Variants in SFXN5 observed in about 807,000 individuals in gnomAD.
The protein encoded by SFXN5 is sideroflexin-5.
Under a neutral mutation model 50.2 loss-of-function variants are expected in SFXN5, and 43 were observed. The ratio of observed to expected loss-of-function variants is 0.86; its 90% CI spans 0.67 to 1.11. The LOEUF is 1.11. Among genes scored for constraint, SFXN5 ranks in the 50% least tolerant of loss-of-function variants. SFXN5 has a pLI of 0.00. For missense variants in SFXN5, 463 were observed against 454.1 expected (o/e 1.02, Z -0.18); for synonymous variants, 203 against 185.8 (o/e 1.09, Z -0.75).
At chr2:73,070,547 CG>C (rs2106083963) in intron 1 of SFXN5, 1 of 152,482 alleles carries the variant, frequency 6.6e-6, no homozygotes, top group African/African-American at 2.4e-5. Context: ...TTCACTTCAG[CG>C]GTCTCTCTGC....
intron 9 of SFXN5, 56 bp from the exon 10 acceptor site, chr2:72,988,404 T>C (rs1672169833): frequency 2.0e-6 from 3 of 1,498,048 alleles, no homozygotes; most frequent in Non-Finnish European, 2.7e-6. Flanking sequence ...CAGTGGCTTG[T>C]GGGAGGAGGG....
rs756975962 is a variant in SFXN5, at chr2:73,071,695, G to A, written c.11C>T (p.Thr4Ile). The A allele has an allele frequency of 6.2e-7, 1 of 1,612,832 alleles. No individual in the cohort carries two copies. Among genetic ancestry groups the A allele is most frequent in the Non-Finnish European group, 8.5e-7 (1 of 1,179,828 alleles). Residue 4 changes from threonine (T) to isoleucine (I), a missense_variant, in exon 1 of 14, where the codon ACA (threonine) becomes ATA (isoleucine). Transcript: ENST00000272433. ...CGCCGCCGCCGATGCTGTAGTCGCTGTATCCGCCATGGCCACTGACGCCCG... is the reference window on the plus strand; with the variant it reads ...CGCCGCCGCCGATGCTGTAGTCGCTATATCCGCCATGGCCACTGACGCCCG... MADTATTASAAAAS... is the reference protein window; with the variant it reads MADIATTASAAAAS...
At chr2:73,020,306 A>G in intron 5 of SFXN5, 42 bp from the exon 6 acceptor site, 1 of 1,609,944 alleles carries the variant, frequency 6.2e-7, no homozygotes, top group Non-Finnish European at 8.5e-7. Context: ...TAATCCACTC[A>G]CATCTCACCT....
intron 6 of SFXN5, among the ~76,000 whole-genome samples, chr2:73,013,427 GTGT>G (rs1292051036): frequency 6.6e-6 from 1 of 151,792 alleles, no homozygotes; most frequent in Non-Finnish European, 1.5e-5. Context: ...GTGTGTGTGT[GTGT>G]GTGTGTGTGT....
Position 73,071,648 on chromosome 2 carries a change from T to TCGAGGCGCTAGCGGCA in SFXN5, c.42_57dup (p.Ser20CysfsTer3). 3.1e-6 allele frequency: 5 copies of TCGAGGCGCTAGCGGCA among 1,613,632 alleles called. No homozygotes were observed. The highest frequency in any genetic ancestry group is 3.4e-6 in the Non-Finnish European group (4 of 1,179,896). ...CCCAGTTGGAAAGGAGGTGCATCGC[T>TCGAGGCGCTAGCGGCA]CGAGGCGCTAGCGGCACTAGCCGCC... On this transcript the variant is annotated stop_gained and frameshift_variant, in exon 1 of 14. Transcript: ENST00000272433. LOFTEE classifies it high-confidence loss of function.
chr2:73,033,479 A>C (rs748178212), intron 3 of SFXN5, among the ~76,000 whole-genome samples: 4 of 152,226 alleles, frequency 2.6e-5, no homozygotes, highest in Non-Finnish European at 5.9e-5. Flanking sequence ...TACAGACATA[A>C]GTAAGATAGT....
At chr2:73,035,189 G>A (rs762179383) in intron 3 of SFXN5, among the ~76,000 whole-genome samples, 6 of 152,146 alleles carry the variant, frequency 3.9e-5, no homozygotes, top group African/African-American at 7.2e-5. Context: ...AGCATGCAGC[G>A]AGCGGTGGCT....
At chr2:72,990,533 G>A (rs377369041) in intron 9 of SFXN5, among the ~76,000 whole-genome samples, 1 of 152,208 alleles carries the variant, frequency 6.6e-6, no homozygotes, top group Admixed American at 6.5e-5. Flanking sequence ...GGGCTCGGGA[G>A]AACTCAGTGA....
chr2:72,971,541 T>C, intron 11 of SFXN5, 29 bp downstream of exon 11: 2 of 1,559,840 alleles, frequency 1.3e-6, no homozygotes, highest in Non-Finnish European at 1.8e-6. Context: ...GTTGCTGGCC[T>C]CCCCAACCCT....
At chr2:72,984,415 C>T (rs933001333) in intron 10 of SFXN5, among the ~76,000 whole-genome samples, 2 of 152,254 alleles carry the variant, frequency 1.3e-5, no homozygotes, top group Non-Finnish European at 2.9e-5. Context: ...GAGGACACCG[C>T]GTAGCCTTGG....
At position 72,945,482 on chromosome 2, in the gene SFXN5, C is replaced by T. The variant is rs755709508; in HGVS notation, c.946-383G>A. Among the ~76,000 whole-genome samples, 16 of 152,024 alleles carry T rather than the reference C, an allele frequency of 1.1e-4. No individual in the cohort carries two copies. The highest frequency in any genetic ancestry group is 1.8e-4 in the Non-Finnish European group (12 of 67,966). On this transcript the variant is annotated intron_variant, in intron 13 of 13. Coordinates refer to ENST00000272433, the MANE Select transcript of SFXN5 (RefSeq NM_144579.3). The surrounding 1 kb of genome is among the most constrained non-coding windows in gnomAD (Gnocchi z 5.8). Reference sequence around the variant, plus strand: ...ACCTGATGACCACCCAGGGCTGCTCCACCTCAACTCCTTCCATCCAAACCC... The same window carrying T: ...ACCTGATGACCACCCAGGGCTGCTCTACCTCAACTCCTTCCATCCAAACCC...
In SFXN5 at chr2:72,988,289, G is replaced by A. The variant is rs1227875394; in HGVS notation, c.594C>T (p.Leu198=). 6.2e-7 allele frequency: 1 copy of A among 1,613,922 alleles called. No individual in the cohort carries two copies. Among genetic ancestry groups the A allele is most frequent in the Non-Finnish European group, 8.5e-7 (1 of 1,179,848 alleles). ...CAGGGAACGGCACAAACCTCTGGAT[G>A]AGAAGGCGGGTGGCTGGGGTGAACT... ...ANKFTPATRL[L]IQRFVPFPAV... The change falls in exon 10 of 14, where the codon CTC becomes CTT. Residue 198 remains leucine, a synonymous_variant. Coordinates refer to ENST00000272433, the MANE Select transcript of SFXN5 (RefSeq NM_144579.3).
At chr2:73,028,100 T>C (rs1318765840) in intron 3 of SFXN5, among the ~76,000 whole-genome samples, 1 of 152,206 alleles carries the variant, frequency 6.6e-6, no homozygotes, top group Admixed American at 6.5e-5. Context: ...AGCAATAGGC[T>C]ATACCATACA....
intron 1 of SFXN5, among the ~76,000 whole-genome samples, chr2:73,060,207 A>T (rs1384200712): frequency 2.6e-5 from 4 of 152,144 alleles, no homozygotes; most frequent in African/African-American, 9.7e-5. Context: ...ACAAGATGAA[A>T]CTGGTACATT....
rs777354463 is a variant in SFXN5 at position 73,071,652 on chromosome 2, G to A, written c.54C>T (p.Ala18=). The A allele has an allele frequency of 2.5e-6, 4 of 1,613,496 alleles. No individual in the cohort carries two copies. Among genetic ancestry groups the A allele is most frequent in the Non-Finnish European group, 3.4e-6 (4 of 1,179,876 alleles). Residue 18 remains alanine, a synonymous_variant, in exon 1 of 14, where the codon GCC becomes GCT. Coordinates refer to ENST00000272433, the MANE Select transcript of SFXN5 (RefSeq NM_144579.3). The stretch of plus-strand genomic sequence containing the variant: ...GTTGGAAAGGAGGTGCATCGCTCGA[G>A]GCGCTAGCGGCACTAGCCGCCGCCG... ...ASAAAASAAS[A]SSDAPPFQLG... is the part of the protein sequence containing the mutation.
intron 6 of SFXN5, among the ~76,000 whole-genome samples, chr2:73,002,216 G>C (rs1379353336): frequency 6.6e-6 from 1 of 152,206 alleles, no homozygotes. Flanking sequence ...AATATTTGTT[G>C]AATGAGTGAA....
intron 10 of SFXN5, among the ~76,000 whole-genome samples, chr2:72,981,620 G>C (rs531736997): frequency 9.2e-5 from 14 of 152,248 alleles, no homozygotes; most frequent in African/African-American, 3.4e-4. Flanking sequence ...ACAGAGCCCT[G>C]GGACACTAGA....
chr2:73,029,880 TG>T (rs1157650221), intron 3 of SFXN5, among the ~76,000 whole-genome samples: 5 of 152,072 alleles, frequency 3.3e-5, no homozygotes, highest in African/African-American at 1.2e-4. Context: ...GAGAACAGCC[TG>T]GGCAACATGG....
intron 9 of SFXN5, among the ~76,000 whole-genome samples, chr2:72,990,135 T>C (rs1672401363): frequency 6.6e-6 from 1 of 152,212 alleles, no homozygotes; most frequent in African/African-American, 2.4e-5. Flanking sequence ...GAAGTGCTGG[T>C]CCGCCAGCCC....
Sources: gnomAD v4.1 joint callset for allele counts (sites outside exome capture counted in the v4.1 genomes callset) on GRCh38, gnomAD v4.1.1 for gene constraint, Gnocchi (gnomAD v3.1) non-coding constraint, MANE v1.5 for transcripts, NCBI Gene and HGNC (gene_info 2026-07-23, HGNC 2026-07-21) for gene names.